RABGAP1L: variants seen among roughly 807,000 people sequenced by gnomAD.
RABGAP1L encodes rab GTPase-activating protein 1-like.
A neutral mutation model predicts 137.7 loss-of-function variants in RABGAP1L; 63 were observed. The ratio of observed to expected loss-of-function variants is 0.46; its 90% CI spans 0.37 to 0.56. The LOEUF (loss-of-function observed/expected upper bound fraction) is 0.56. Ranked by LOEUF, RABGAP1L falls within the 20% of genes least tolerant of loss-of-function variation. The probability of loss-of-function intolerance (pLI) is 0.00; values close to 1 mark genes in which losing one functional copy is unlikely to be tolerated. For missense variants in RABGAP1L, 1,095 were observed against 1,244.0 expected (o/e 0.88, Z 1.80); for synonymous variants, 431 against 433.7 (o/e 0.99, Z 0.08).
At chr1:174,867,120 C>T (rs1039693097) in intron 19 of RABGAP1L, among the ~76,000 whole-genome samples, 3 of 151,918 alleles carry the variant, frequency 2.0e-5, no homozygotes, top group African/African-American at 2.4e-5. Context: ...TGGTGGCTCA[C>T]GCCTGTAATC....
At chr1:174,781,114 T>G (rs1358350247) in intron 18 of RABGAP1L, among the ~76,000 whole-genome samples, 1 of 152,190 alleles carries the variant, frequency 6.6e-6, no homozygotes, top group African/African-American at 2.4e-5. Flanking sequence ...CAAATGGTAT[T>G]TCTAGTTCTA....
chr1:174,475,845 C>A (rs1312425753), intron 13 of RABGAP1L, among the ~76,000 whole-genome samples: 1 of 149,362 alleles, frequency 6.7e-6, no homozygotes, highest in Non-Finnish European at 1.5e-5. Context: ...TATCTACAGG[C>A]CAGTAATTGA....
chr1:174,347,017 G>A (rs1257877328), intron 11 of RABGAP1L, among the ~76,000 whole-genome samples: 1 of 152,074 alleles, frequency 6.6e-6, no homozygotes, highest in Non-Finnish European at 1.5e-5. Context: ...ATTTCCATGT[G>A]TTTGTATAGT....
intron 1 of RABGAP1L, among the ~76,000 whole-genome samples, chr1:174,209,724 T>C (rs960164825): frequency 2.0e-5 from 3 of 152,190 alleles, no homozygotes; most frequent in Non-Finnish European, 4.4e-5. Flanking sequence ...ACCTGTTGAT[T>C]ATACAGCATC....
intron 13 of RABGAP1L, among the ~76,000 whole-genome samples, chr1:174,609,650 A>T (rs890232335): frequency 2.6e-5 from 4 of 152,162 alleles, no homozygotes; most frequent in African/African-American, 9.7e-5. Flanking sequence ...ACTTCAAGCT[A>T]TTTTTCTGTG....
intron 13 of RABGAP1L, among the ~76,000 whole-genome samples, chr1:174,438,242 G>GT (rs1177856837): frequency 6.6e-6 from 1 of 152,044 alleles, no homozygotes. Flanking sequence ...TTTGTTTTTT[G>GT]TTTTTTCTCT....
chr1:174,897,592 C>T (rs1245244364), intron 19 of RABGAP1L: 1 of 152,194 alleles, frequency 6.6e-6, no homozygotes, highest in East Asian at 1.9e-4. Flanking sequence ...TAAGTGTCTC[C>T]ATGGCACATC....
intron 18 of RABGAP1L, among the ~76,000 whole-genome samples, chr1:174,759,650 A>G (rs1685064427): frequency 1.3e-5 from 2 of 152,282 alleles, no homozygotes; most frequent in Non-Finnish European, 2.9e-5. Context: ...TCAACAGGTT[A>G]TATACGAAAC....
chr1:174,510,292 C>T (rs751587949), intron 13 of RABGAP1L, among the ~76,000 whole-genome samples: 31 of 152,094 alleles, frequency 2.0e-4, no homozygotes, highest in Non-Finnish European at 4.4e-4. Flanking sequence ...TTCATGAGGG[C>T]AATGATTTTC....
chr1:174,450,970 C>T (rs374129011), intron 13 of RABGAP1L, among the ~76,000 whole-genome samples: 10 of 151,598 alleles, frequency 6.6e-5, no homozygotes, highest in East Asian at 3.9e-4. Flanking sequence ...GTTCTGAACC[C>T]CTGTATATTT....
intron 19 of RABGAP1L, among the ~76,000 whole-genome samples, chr1:174,842,353 T>C (rs1459592165): frequency 6.6e-6 from 1 of 152,212 alleles, no homozygotes; most frequent in Non-Finnish European, 1.5e-5. Flanking sequence ...TGAGGTGTGC[T>C]ACTTTTTGGC....
chr1:174,512,387 A>G (rs1204239762), intron 13 of RABGAP1L, among the ~76,000 whole-genome samples: 2 of 152,186 alleles, frequency 1.3e-5, no homozygotes, highest in Non-Finnish European at 2.9e-5. Context: ...ATATTTTCCA[A>G]TTAACACTTA....
chr1:174,550,639 T>G (rs1276308601), intron 13 of RABGAP1L, among the ~76,000 whole-genome samples: 4 of 151,854 alleles, frequency 2.6e-5, no homozygotes, highest in Non-Finnish European at 5.9e-5. Flanking sequence ...AGTTAGCATC[T>G]GATAGAACTT....
intron 11 of RABGAP1L, among the ~76,000 whole-genome samples, chr1:174,344,215 T>C (rs960081132): frequency 1.3e-5 from 2 of 152,206 alleles, no homozygotes; most frequent in African/African-American, 4.8e-5. Context: ...TGAAACTTAT[T>C]TTCGTGGTGA....
intron 19 of RABGAP1L, chr1:174,934,819 G>A (rs1664479380): frequency 6.6e-6 from 1 of 151,398 alleles, no homozygotes; most frequent in Non-Finnish European, 1.5e-5. Context: ...GTATGTGTGT[G>A]TATACACATA....
intron 18 of RABGAP1L, among the ~76,000 whole-genome samples, chr1:174,755,456 G>T (rs1035255965): frequency 6.6e-6 from 1 of 152,204 alleles, no homozygotes; most frequent in Non-Finnish European, 1.5e-5. Flanking sequence ...AAATTTTTCA[G>T]TCAGAATAGG....
chr1:174,730,758 A>G (rs2148620520), intron 17 of RABGAP1L, among the ~76,000 whole-genome samples: 1 of 152,316 alleles, frequency 6.6e-6, no homozygotes, highest in South Asian at 2.1e-4. Flanking sequence ...CTGAGGAATC[A>G]TCCAGCTTAG....
At chr1:174,924,160 G>A (rs1662291020) in intron 19 of RABGAP1L, among the ~76,000 whole-genome samples, 1 of 152,104 alleles carries the variant, frequency 6.6e-6, no homozygotes, top group South Asian at 2.1e-4. Context: ...AGGGCAAGGT[G>A]TGTGGATCAC....
chr1:174,218,081 C>T (rs191626255), intron 1 of RABGAP1L, among the ~76,000 whole-genome samples: 3 of 152,214 alleles, frequency 2.0e-5, no homozygotes, highest in East Asian at 3.9e-4. Flanking sequence ...TCACATTACT[C>T]ATTTGGTCAC....
Sources: gnomAD v4.1 joint callset for allele counts (sites outside exome capture counted in the v4.1 genomes callset) on GRCh38, gnomAD v4.1.1 for gene constraint, MANE v1.5 for transcripts, NCBI Gene and HGNC (gene_info 2026-07-23, HGNC 2026-07-21) for gene names.